CSMD1: variants seen among roughly 807,000 people sequenced by gnomAD.
CSMD1 encodes CUB and sushi domain-containing protein 1.
Under a neutral mutation model 417.5 loss-of-function variants are expected in CSMD1, and 213 were observed. The ratio of observed to expected loss-of-function variants is 0.51; its 90% confidence interval spans 0.46 to 0.57. The LOEUF (loss-of-function observed/expected upper bound fraction) is 0.57, where lower values mean the gene tolerates loss of function less well. Among genes scored for constraint, CSMD1 ranks in the 20% least tolerant of loss-of-function variants. The pLI, the probability that CSMD1 is intolerant of heterozygous loss-of-function variation, is 0.00. For synonymous variants in CSMD1, 2,862 were observed against 1,736.8 expected, an observed-to-expected ratio of 1.65 and a Z score of -16.11; for missense variants, 6,923 against 4,529.7, an observed-to-expected ratio of 1.53 and a Z score of -15.17.
intron 1 of CSMD1, among the ~76,000 whole-genome samples, chr8:4,877,170 G>A (rs796840918): frequency 1.3e-5 from 2 of 151,956 alleles, no homozygotes; most frequent in Admixed American, 6.6e-5. Flanking sequence ...TTGAAGATGT[G>A]TCTTTTGACA....
chr8:3,427,246 T>A (rs966422842), intron 12 of CSMD1, among the ~76,000 whole-genome samples: 1 of 152,146 alleles, frequency 6.6e-6, no homozygotes, highest in Non-Finnish European at 1.5e-5. Flanking sequence ...TATTTTGCTT[T>A]GAGATTTTCA....
intron 3 of CSMD1, among the ~76,000 whole-genome samples, chr8:4,237,520 T>C (rs1345550128): frequency 7.0e-6 from 1 of 141,934 alleles, no homozygotes; most frequent in East Asian, 2.1e-4. Flanking sequence ...GATGCTATAC[T>C]GCAGTCAATA....
At chr8:3,250,089 G>A (rs565628812) in intron 26 of CSMD1, among the ~76,000 whole-genome samples, 1 of 152,280 alleles carries the variant, frequency 6.6e-6, no homozygotes, top group East Asian at 1.9e-4. Flanking sequence ...CTTTGTTTTA[G>A]GGTACATGTG....
chr8:3,016,580 T>C (rs999755665), intron 52 of CSMD1, among the ~76,000 whole-genome samples: 3 of 152,274 alleles, frequency 2.0e-5, no homozygotes, highest in African/African-American at 7.2e-5. Context: ...TTGTGCTAAA[T>C]GAATTACTCA....
intron 3 of CSMD1, among the ~76,000 whole-genome samples, chr8:4,208,010 A>T (rs766241354): frequency 6.6e-6 from 1 of 152,184 alleles, no homozygotes; most frequent in Non-Finnish European, 1.5e-5. Context: ...TTTAAAACCT[A>T]AAAGTCCAAC....
At chr8:4,163,497 C>T (rs142615988) in intron 3 of CSMD1, among the ~76,000 whole-genome samples, 1 of 152,258 alleles carries the variant, frequency 6.6e-6, no homozygotes, top group Non-Finnish European at 1.5e-5. Flanking sequence ...TCCTTCAACT[C>T]ACAGTACAGA....
rs73659199 is a variant in CSMD1 at position 4,727,606 on chromosome 8, G to A, written c.86-90048C>T. On this transcript the variant is annotated intron_variant, in intron 1 of 69. Transcript: ENST00000635120. ...TACCTAACGTCTTCTAGCTGTTAAT[G>A]ACTTCCAAGTTTATATTTCCGTGAT... Among the ~76,000 whole-genome samples, 1,006 of 152,224 alleles carry A rather than the reference G, an allele frequency of 6.6e-3. 15 individuals carry two copies. Among genetic ancestry groups the A allele is most frequent in the South Asian group, 0.025 (120 of 4,818 alleles).
chr8:3,791,148 T>C (rs1278371776), intron 5 of CSMD1, among the ~76,000 whole-genome samples: 5 of 152,202 alleles, frequency 3.3e-5, no homozygotes, highest in Admixed American at 1.3e-4. Flanking sequence ...AAACATATTC[T>C]TCTAGGTTAT....
chr8:4,061,064 CATTTA>C (rs5889013), intron 3 of CSMD1, among the ~76,000 whole-genome samples: 128,938 of 151,826 alleles, frequency 0.85, 55,509 homozygotes, highest in Admixed American at 0.93. Flanking sequence ...ATGCCATCTA[CATTTA>C]ATTTGTTTGT....
chr8:3,430,884 G>A (rs777028443), intron 12 of CSMD1, among the ~76,000 whole-genome samples: 1 of 152,120 alleles, frequency 6.6e-6, no homozygotes, highest in African/African-American at 2.4e-5. Context: ...TTATTTTACA[G>A]ATAAAATAAT....
At chr8:3,248,828 T>G (rs1374338896) in intron 26 of CSMD1, among the ~76,000 whole-genome samples, 1 of 152,110 alleles carries the variant, frequency 6.6e-6, no homozygotes, top group Non-Finnish European at 1.5e-5. Flanking sequence ...TAAATTCTAC[T>G]TACTCTGTTA....
chr8:3,359,040 C>A (rs912422128), intron 21 of CSMD1, 112 bp downstream of exon 21: 1 of 957,796 alleles, frequency 1.0e-6, no homozygotes, highest in South Asian at 1.5e-5. Flanking sequence ...ACACTTTCAC[C>A]CTCTCCTTCC....
At chr8:3,577,341 C>G (rs1800193413) in intron 9 of CSMD1, among the ~76,000 whole-genome samples, 3 of 152,206 alleles carry the variant, frequency 2.0e-5, no homozygotes, top group African/African-American at 7.2e-5. Context: ...TCACACAAAG[C>G]AAGTCATGGA....
intron 5 of CSMD1, among the ~76,000 whole-genome samples, chr8:3,861,171 G>C (rs1018317102): frequency 6.6e-6 from 1 of 152,056 alleles, no homozygotes; most frequent in Admixed American, 6.6e-5. Flanking sequence ...GTTCCTTCAT[G>C]ACTCCTCACC....
chr8:3,893,182 T>C (rs1399093224), intron 5 of CSMD1, among the ~76,000 whole-genome samples: 1 of 151,452 alleles, frequency 6.6e-6, no homozygotes, highest in Admixed American at 6.6e-5. Flanking sequence ...AAAAAACATG[T>C]TCCCAGGGCA....
At chr8:3,977,515 G>C (rs749399759) in intron 5 of CSMD1, among the ~76,000 whole-genome samples, 28 of 152,076 alleles carry the variant, frequency 1.8e-4, no homozygotes, top group Non-Finnish European at 3.8e-4. Flanking sequence ...AATTTGCTTT[G>C]ACAGTTTTGG....
At position 3,199,829 on chromosome 8, in the gene CSMD1, C is replaced by G. The variant is rs1796897440; in HGVS notation, c.5099-20G>C. 2.0e-6 allele frequency: 3 copies of G among 1,513,032 alleles called. No homozygotes were observed. In the Admixed American group the frequency reaches 5.8e-5, roughly 29 times the overall value. 93.7% of individuals were successfully genotyped at this position (1,513,032 alleles called of 1,614,324 possible). ...TTTCCCCTAGAAACGAAAACAGAGA[C>G]AGATTCAGAAAACACACAGCACCGT... is the stretch of plus-strand genomic sequence containing the variant. On this transcript the variant is annotated intron_variant, in intron 32 of 69. Coordinates refer to ENST00000635120, the MANE Select transcript of CSMD1 (RefSeq NM_033225.6).
chr8:3,105,436 G>GT (rs1308617559), intron 46 of CSMD1, among the ~76,000 whole-genome samples: 1 of 152,216 alleles, frequency 6.6e-6, no homozygotes, highest in Non-Finnish European at 1.5e-5. Flanking sequence ...TTTTGGATAG[G>GT]TGAACTAATG....
At chr8:3,516,470 T>G (rs1455270182) in intron 10 of CSMD1, among the ~76,000 whole-genome samples, 1 of 152,192 alleles carries the variant, frequency 6.6e-6, no homozygotes, top group East Asian at 1.9e-4. Flanking sequence ...GAGTTGCCAC[T>G]TCAGTGTCTG....
Sources: allele counts gnomAD v4.1 joint callset (sites outside exome capture counted in the v4.1 genomes callset), GRCh38; gene constraint gnomAD v4.1.1; transcripts MANE v1.5; gene names NCBI Gene and HGNC (gene_info 2026-07-23, HGNC 2026-07-21).